The following AZIN2 variants were observed in gnomAD, a reference collection of about 807,000 sequenced individuals.
AZIN2 encodes the protein antizyme inhibitor 2.
Under a neutral mutation model 47.8 loss-of-function variants are expected in AZIN2, and 28 were observed. That is an observed-to-expected ratio of 0.59 (90% CI 0.43 to 0.80). The LOEUF (loss-of-function observed/expected upper bound fraction) is 0.80. Ranked by LOEUF, AZIN2 falls within the 30% of genes least tolerant of loss-of-function variation. AZIN2 has a pLI of 0.00. For synonymous variants in AZIN2, 221 were observed against 239.4 expected, an observed-to-expected ratio of 0.92 and a Z score of 0.71; for missense variants, 535 against 582.5, an observed-to-expected ratio of 0.92 and a Z score of 0.84.
chr1:33,152,235 G>C, the AZIN2 span, among the ~76,000 whole-genome samples: 1 of 152,312 alleles, frequency 6.6e-6, no homozygotes, highest in Admixed American at 6.5e-5. Context: ...TTCACATCAT[G>C]CTCTTCCCAG....
chr1:33,104,337 A>G (rs1643895361), intron 10 of AZIN2, among the ~76,000 whole-genome samples: 3 of 152,300 alleles, frequency 2.0e-5, no homozygotes, highest in African/African-American at 4.8e-5. Context: ...ATGAGCTTGC[A>G]TATGCATGTG....
chr1:33,166,746 C>T, the AZIN2 span, among the ~76,000 whole-genome samples: 2 of 152,120 alleles, frequency 1.3e-5, no homozygotes, highest in African/African-American at 4.8e-5. Context: ...AACAACAAAT[C>T]CACAACACAC....
chr1:33,139,024 T>C, the AZIN2 span, among the ~76,000 whole-genome samples: 3 of 152,248 alleles, frequency 2.0e-5, no homozygotes, highest in African/African-American at 2.4e-5. Context: ...TCGCACTGAC[T>C]GTTAATAGCT....
chr1:33,082,144 C>A (rs1230019756), intron 3 of AZIN2, 34 bp from the exon 4 acceptor site: 6 of 943,652 alleles, frequency 6.4e-6, no homozygotes, highest in Non-Finnish European at 8.3e-6. Flanking sequence ...AGCCGGCCCC[C>A]CAGCGGTTCC....
intron 11 of AZIN2, chr1:33,119,113 A>T (rs932774106): frequency 1.3e-5 from 2 of 152,446 alleles, no homozygotes; most frequent in Non-Finnish European, 2.9e-5. Flanking sequence ...CTAAGGAGGA[A>T]TTAGATGAGA....
At chr1:33,087,340 T>C (rs1642029953) in intron 5 of AZIN2, among the ~76,000 whole-genome samples, 2 of 150,656 alleles carry the variant, frequency 1.3e-5, no homozygotes, top group African/African-American at 4.9e-5. Flanking sequence ...TCCATGTTGG[T>C]CAGGCTGGTC....
At chr1:33,092,321 G>A in intron 6 of AZIN2, 99 bp downstream of exon 6, 3 of 1,001,592 alleles carry the variant, frequency 3.0e-6, no homozygotes, top group Non-Finnish European at 4.1e-6. Flanking sequence ...AGGCTGGGCT[G>A]AGGGAAGGCT....
intron 10 of AZIN2, among the ~76,000 whole-genome samples, chr1:33,103,839 G>A (rs1643875133): frequency 6.6e-6 from 1 of 151,914 alleles, no homozygotes; most frequent in South Asian, 2.1e-4. Flanking sequence ...CCCTAGTACG[G>A]AACTTGGCAT....
the AZIN2 span, among the ~76,000 whole-genome samples, chr1:33,149,283 G>A: frequency 6.6e-6 from 1 of 152,182 alleles, no homozygotes; most frequent in Admixed American, 6.5e-5. Context: ...CTCTCGAGTA[G>A]TTGGGATTAT....
At chr1:33,091,957 A>G (rs1320158498) in intron 5 of AZIN2, 93 bp from the exon 6 acceptor site, 1 of 1,379,726 alleles carries the variant, frequency 7.2e-7, no homozygotes, top group Non-Finnish European at 1.0e-6. Context: ...CTCCCTATGC[A>G]TAGCTATGAC....
At chr1:33,138,874 A>G in the AZIN2 span, among the ~76,000 whole-genome samples, 1 of 152,220 alleles carries the variant, frequency 6.6e-6, no homozygotes, top group South Asian at 2.1e-4. Flanking sequence ...CCCGAGGTCC[A>G]GGGAGGTGGC....
At chr1:33,082,420 G>A (rs780553053) in intron 4 of AZIN2, 66 bp downstream of exon 4, 1 of 1,155,130 alleles carries the variant, frequency 8.7e-7, no homozygotes, top group Non-Finnish European at 1.2e-6. Flanking sequence ...CCTCAGGAAG[G>A]GTCCCTAGGG....
chr1:33,087,227 G>A (rs559945596), intron 5 of AZIN2, among the ~76,000 whole-genome samples: 6 of 150,188 alleles, frequency 4.0e-5, no homozygotes, highest in Non-Finnish European at 7.4e-5. Flanking sequence ...TCCACCTCCC[G>A]GGTTCAAGTG....
At chr1:33,133,207 G>A in the AZIN2 span, among the ~76,000 whole-genome samples, 1 of 152,228 alleles carries the variant, frequency 6.6e-6, no homozygotes, top group East Asian at 1.9e-4. Flanking sequence ...AACAGATCCT[G>A]GACAAGGGCA....
At chr1:33,158,510 G>A in the AZIN2 span, 2 of 640,322 alleles carry the variant, frequency 3.1e-6, no homozygotes, top group Admixed American at 5.0e-5. Flanking sequence ...TCAAGTGCCT[G>A]CTTGTGCTGC....
rs139641288 is a variant in AZIN2, at chr1:33,098,096, G to A, written c.946G>A (p.Val316Met). 3.6e-5 allele frequency: 58 copies of A among 1,613,892 alleles called. No individual in the cohort carries two copies. Among genetic ancestry groups the A allele is most frequent in the African/African-American group, 3.1e-4 (23 of 74,858 alleles). Residue 316 changes from valine (V) to methionine (M), a missense_variant, in exon 10 of 12, where the codon GTG becomes ATG. By Grantham distance (21) the Val-to-Met change is conservative. Transcript: ENST00000294517. ...AAATGGTTCCACCTCCAAGACCATC[G>A]TGTACCACCTTGATGAGGGCGTGTA... Reference protein sequence around the residue: ...EENGSTSKTIVYHLDEGVYGI... With the variant: ...EENGSTSKTIMYHLDEGVYGI...
chr1:33,160,091 A>G, the AZIN2 span: 2 of 1,043,512 alleles, frequency 1.9e-6, no homozygotes, highest in Non-Finnish European at 2.7e-6. Context: ...ATGCAAAAGC[A>G]TGGTGGTAGG....
chr1:33,156,115 C>G, the AZIN2 span, among the ~76,000 whole-genome samples: 11 of 152,316 alleles, frequency 7.2e-5, no homozygotes, highest in African/African-American at 2.2e-4. Context: ...TGCAGCAGAT[C>G]GCAGTCAAGG....
chr1:33,155,988 G>A, the AZIN2 span, among the ~76,000 whole-genome samples: 2 of 152,204 alleles, frequency 1.3e-5, no homozygotes, highest in East Asian at 1.9e-4. Flanking sequence ...GCCATCAGAA[G>A]AGAATCCCCC....
Sources: gnomAD v4.1 joint callset for allele counts (sites outside exome capture counted in the v4.1 genomes callset) on GRCh38, gnomAD v4.1.1 for gene constraint, MANE v1.5 for transcripts, NCBI Gene and HGNC (gene_info 2026-07-23, HGNC 2026-07-21) for gene names.